Variants in KLHL1 observed in about 807,000 individuals in gnomAD.
The protein encoded by KLHL1 is kelch like family member 1.
A neutral mutation model predicts 77.7 loss-of-function variants in KLHL1; 47 were observed. The observed-to-expected ratio is 0.60, with a 90% confidence interval of 0.48 to 0.77. KLHL1 has a LOEUF of 0.77. Ranked by LOEUF, KLHL1 falls within the 30% of genes least tolerant of loss-of-function variation. The pLI is 0.00. For missense variants in KLHL1, 925 were observed against 910.8 expected, an observed-to-expected ratio of 1.02 and a Z score of -0.20; for synonymous variants, 360 against 325.2, an observed-to-expected ratio of 1.11 and a Z score of -1.15.
rs184171626 is a variant in KLHL1 at position 70,005,988 on chromosome 13, T to C, written c.498-30186A>G. On this transcript the variant is annotated intron_variant, in intron 1 of 10. Transcript: ENST00000377844. ...TCATCTTGCCTTCCTAAAACTTTAC[T>C]TCTATTTAGCAACGATGCTCCATTT... is the stretch of plus-strand genomic sequence containing the variant. 2.6e-5 allele frequency among the ~76,000 whole-genome samples: 4 copies of C among 152,134 alleles called. No homozygotes were observed. In the East Asian group the frequency reaches 7.7e-4, roughly 29 times the overall value.
At chr13:69,838,279 GGTTA>G (rs1302188945) in intron 6 of KLHL1, among the ~76,000 whole-genome samples, 2 of 150,980 alleles carry the variant, frequency 1.3e-5, no homozygotes, top group African/African-American at 2.4e-5. Context: ...AATATTTTAT[GGTTA>G]ATTATATCAT....
Position 69,704,750 on chromosome 13 carries a change from A to G in KLHL1, c.2187+2875T>C, listed in dbSNP as rs183311908. 2.3e-3 allele frequency among the ~76,000 whole-genome samples: 355 copies of G among 151,892 alleles called. 1 individual carries two copies. Among genetic ancestry groups the G allele is most frequent in the African/African-American group, 8.3e-3 (344 of 41,550 alleles). Reference sequence around the variant, plus strand: ...ATTTATTTAATATACATTTTTAAAAATCTGCCTTTGTTCTCCCTCCAGGGG... The same window carrying G: ...ATTTATTTAATATACATTTTTAAAAGTCTGCCTTTGTTCTCCCTCCAGGGG... On this transcript the variant is annotated intron_variant, in intron 10 of 10. Transcript: ENST00000377844.
intron 6 of KLHL1, among the ~76,000 whole-genome samples, chr13:69,822,500 C>T (rs916947849): frequency 9.9e-5 from 15 of 151,994 alleles, no homozygotes; most frequent in African/African-American, 2.9e-4. Flanking sequence ...TTGTATGATA[C>T]GATTATAATT....
chr13:69,711,576 C>T (rs1875879144), intron 9 of KLHL1, among the ~76,000 whole-genome samples: 2 of 152,080 alleles, frequency 1.3e-5, no homozygotes, highest in South Asian at 2.1e-4. Context: ...TGTTCCTAGA[C>T]TTTAAAAACT....
At chr13:69,889,112 A>G (rs1264723571) in intron 4 of KLHL1, among the ~76,000 whole-genome samples, 1 of 151,960 alleles carries the variant, frequency 6.6e-6, no homozygotes, top group Non-Finnish European at 1.5e-5. Context: ...AGAGTTGAGA[A>G]AGACATCTCC....
intron 5 of KLHL1, among the ~76,000 whole-genome samples, chr13:69,860,220 T>C (rs1880085061): frequency 6.6e-6 from 1 of 152,096 alleles, no homozygotes; most frequent in African/African-American, 2.4e-5. Context: ...AGTGGTAGAA[T>C]ATATACTTTC....
At chr13:69,939,939 C>A (rs1001883198) in intron 4 of KLHL1, 101 bp downstream of exon 4, 2 of 844,530 alleles carry the variant, frequency 2.4e-6, no homozygotes, top group East Asian at 5.7e-5. Flanking sequence ...ATAGAAAACT[C>A]ATTTTAAACT....
chr13:69,832,151 G>A lies in KLHL1; in HGVS notation c.1414+6825C>T, dbSNP rs1369085106. On this transcript the variant is annotated intron_variant, in intron 6 of 10. Coordinates refer to ENST00000377844, the MANE Select transcript of KLHL1 (RefSeq NM_020866.3). Reference sequence around the variant, plus strand: ...GGGCACCAAAATTGGTAAAAAGGAAGTCAAACTGTCGCTGTTCACTGATGA... The same window carrying A: ...GGGCACCAAAATTGGTAAAAAGGAAATCAAACTGTCGCTGTTCACTGATGA... 1.3e-5 allele frequency among the ~76,000 whole-genome samples: 2 copies of A among 149,734 alleles called. 1 individual carries two copies. Among genetic ancestry groups the A allele is most frequent in the Admixed American group, 1.3e-4 (2 of 14,966 alleles).
chr13:69,984,290 C>T (rs1441799628), intron 1 of KLHL1, among the ~76,000 whole-genome samples: 1 of 152,072 alleles, frequency 6.6e-6, no homozygotes, highest in Non-Finnish European at 1.5e-5. Flanking sequence ...CCTTTAAAAT[C>T]GAGCTGCAGA....
chr13:69,915,652 C>G (rs1315599978), intron 4 of KLHL1, among the ~76,000 whole-genome samples: 1 of 151,988 alleles, frequency 6.6e-6, no homozygotes, highest in East Asian at 1.9e-4. Flanking sequence ...AGAAGAAAAC[C>G]TAGGCAATAC....
chr13:69,859,651 A>C (rs1880059895), intron 5 of KLHL1, among the ~76,000 whole-genome samples: 1 of 152,146 alleles, frequency 6.6e-6, no homozygotes, highest in African/African-American at 2.4e-5. Flanking sequence ...AAATCTATCT[A>C]AAAATTATTG....
Position 69,872,787 on chromosome 13 carries a change from T to C in KLHL1, c.1227+9496A>G, listed in dbSNP as rs186150558. Reference sequence around the variant, plus strand: ...GTAACAGTGGGAGGGGCAAGGCTCTTTTTAACAACCGGCTCTTGTGTAACT... The same window carrying C: ...GTAACAGTGGGAGGGGCAAGGCTCTCTTTAACAACCGGCTCTTGTGTAACT... On this transcript the variant is annotated intron_variant, in intron 5 of 10. Transcript: ENST00000377844. Among the ~76,000 whole-genome samples the C allele has an allele frequency of 1.5e-3, 234 of 152,270 alleles. 1 individual carries two copies. Among genetic ancestry groups the C allele is most frequent in the African/African-American group, 5.2e-3 (216 of 41,560 alleles).
chr13:69,819,890 T>C (rs571937060), intron 6 of KLHL1, among the ~76,000 whole-genome samples: 1 of 152,342 alleles, frequency 6.6e-6, no homozygotes, highest in African/African-American at 2.4e-5. Context: ...ATTGGTTTAC[T>C]CTTGCTTTAG....
chr13:69,920,737 A>G (rs936203912), intron 4 of KLHL1, among the ~76,000 whole-genome samples: 1 of 152,132 alleles, frequency 6.6e-6, no homozygotes, highest in Non-Finnish European at 1.5e-5. Context: ...CTCTCGTTCA[A>G]AGAAGTTTTC....
chr13:69,857,808 A>T (rs1447764592), intron 5 of KLHL1, among the ~76,000 whole-genome samples: 1 of 151,764 alleles, frequency 6.6e-6, no homozygotes, highest in African/African-American at 2.4e-5. Flanking sequence ...TTAGAATGAA[A>T]TGTATTTTTC....
chr13:69,902,025 C>G (rs751603899), intron 4 of KLHL1, among the ~76,000 whole-genome samples: 1 of 152,094 alleles, frequency 6.6e-6, no homozygotes, highest in Non-Finnish European at 1.5e-5. Context: ...GTCTTGAACT[C>G]CCAACCTCAG....
chr13:69,843,551 GA>G (rs1453892131), intron 5 of KLHL1, among the ~76,000 whole-genome samples: 2 of 151,590 alleles, frequency 1.3e-5, no homozygotes, highest in African/African-American at 4.8e-5. Flanking sequence ...ATGCCTTCTT[GA>G]CTTCAGTACC....
At chr13:70,055,076 T>C (rs971165423) in intron 1 of KLHL1, among the ~76,000 whole-genome samples, 4 of 151,894 alleles carry the variant, frequency 2.6e-5, no homozygotes, top group Non-Finnish European at 5.9e-5. Context: ...ACAAGAAAGT[T>C]ATAGGACATC....
At chr13:69,778,087 AAAG>A in intron 7 of KLHL1, among the ~76,000 whole-genome samples, 1 of 152,062 alleles carries the variant, frequency 6.6e-6, no homozygotes, top group Non-Finnish European at 1.5e-5. Flanking sequence ...AATAGGCACT[AAAG>A]AAGATAGTAA....
Sources: allele counts gnomAD v4.1 joint callset (sites outside exome capture counted in the v4.1 genomes callset), GRCh38; gene constraint gnomAD v4.1.1; transcripts MANE v1.5; gene names NCBI Gene and HGNC (gene_info 2026-07-23, HGNC 2026-07-21).